ATAD2: variants seen among roughly 807,000 people sequenced by gnomAD.
ATAD2 encodes ATPase family AAA domain-containing protein 2.
ATAD2 carries 62 observed loss-of-function variants against 168.9 expected under a neutral mutation model. That is an observed-to-expected ratio of 0.37 (90% confidence interval 0.30 to 0.45). ATAD2 has a LOEUF of 0.45. ATAD2 is among the 20% of genes least tolerant of loss of function. The probability of loss-of-function intolerance (pLI) is 1.00; values close to 1 mark genes in which losing one functional copy is unlikely to be tolerated. For missense variants in ATAD2, 1,419 were observed against 1,667.8 expected (o/e 0.85, Z 2.60); for synonymous variants, 613 against 571.6 (o/e 1.07, Z -1.03).
At chr8:123,373,497 GA>G (rs1209852122) in intron 2 of ATAD2, among the ~76,000 whole-genome samples, 1 of 151,814 alleles carries the variant, frequency 6.6e-6, no homozygotes, top group South Asian at 2.1e-4. Context: ...AAAATATACT[GA>G]AAAAAATAGG....
intron 2 of ATAD2, among the ~76,000 whole-genome samples, chr8:123,378,884 C>G (rs1829406437): frequency 6.6e-6 from 1 of 151,618 alleles, no homozygotes; most frequent in Non-Finnish European, 1.5e-5. Context: ...CTTGACCTCC[C>G]CAGCTCAAGT....
In ATAD2 at chr8:123,370,963, T is replaced by C; in HGVS notation, c.667A>G (p.Lys223Glu). ...ESNLNMYTRG[K>E]QKDIQRTDEE... is the part of the protein sequence containing the mutation. ...TCAGTTCTTTGAATATCTTTCTGTT[T>C]TCCTCTTGTGTACATATTAAGATTG... Residue 223 changes from lysine to glutamate, a missense_variant, in exon 6 of 28, where the codon AAA (lysine) becomes GAA (glutamate). Coordinates refer to ENST00000287394, the MANE Select transcript of ATAD2 (RefSeq NM_014109.4). The C allele has an allele frequency of 6.2e-7, 1 of 1,605,796 alleles. No individual in the cohort carries two copies. The highest frequency in any genetic ancestry group is 8.5e-7 in the Non-Finnish European group (1 of 1,174,914).
upstream of ATAD2, among the ~76,000 whole-genome samples, chr8:123,399,462 A>C (rs1463017600): frequency 6.6e-6 from 1 of 152,192 alleles, no homozygotes; most frequent in Non-Finnish European, 1.5e-5. Context: ...GTAAATAAAC[A>C]AGGTAACTTC....
Position 123,371,932 on chromosome 8 carries a change from T to G in ATAD2, c.371-97A>C, listed in dbSNP as rs1412085371. On this transcript the variant is annotated intron_variant, in intron 3 of 27. Coordinates refer to ENST00000287394, the MANE Select transcript of ATAD2 (RefSeq NM_014109.4). ...GAACAATTGAAAAGCTATACTTTCA[T>G]GTAACAAAATTACAGTATCTTAAAC... 4 of 1,199,354 alleles carry G rather than the reference T, an allele frequency of 3.3e-6. No individual in the cohort carries two copies. The East Asian group carries it at 1.1e-4, about 32-fold the overall frequency. The allele number at this position is 1,199,354 out of a possible 1,614,324, so 74.3% of individuals were successfully genotyped here. A position where few individuals can be genotyped will look rare whatever the true frequency, so the allele number is the denominator to read the frequency against.
At chr8:123,348,608 C>T (rs540518394) in intron 14 of ATAD2, among the ~76,000 whole-genome samples, 2 of 152,176 alleles carry the variant, frequency 1.3e-5, no homozygotes, top group South Asian at 2.1e-4. Flanking sequence ...ATCCCGGGGA[C>T]GGAAGTTGCA....
chr8:123,321,682 C>T (rs1016394668), intron 27 of ATAD2, among the ~76,000 whole-genome samples: 3 of 152,034 alleles, frequency 2.0e-5, no homozygotes, highest in African/African-American at 7.2e-5. Context: ...CCTGTTAATG[C>T]CAGCACTTTG....
intron 14 of ATAD2, 125 bp downstream of exon 14, chr8:123,349,156 GTTGT>G: frequency 2.3e-6 from 2 of 878,496 alleles, no homozygotes; most frequent in South Asian, 4.2e-5. Flanking sequence ...CCCCATTTGA[GTTGT>G]TTACTATCAT....
intron 4 of ATAD2, 48 bp downstream of exon 4, chr8:123,371,622 A>T (rs978987906): frequency 1.3e-6 from 2 of 1,514,382 alleles, no homozygotes; most frequent in Non-Finnish European, 1.8e-6. Flanking sequence ...TCCCCAACAA[A>T]AAGTCTCTGA....
intron 14 of ATAD2, among the ~76,000 whole-genome samples, 170 bp from the exon 15 acceptor site, chr8:123,348,443 G>A (rs558449139): frequency 1.3e-5 from 2 of 152,210 alleles, no homozygotes; most frequent in South Asian, 2.1e-4. Flanking sequence ...TTGGGAGGCC[G>A]AGGCAGGTGG....
At chr8:123,373,571 G>A (rs191576903) in intron 2 of ATAD2, among the ~76,000 whole-genome samples, 1 of 151,928 alleles carries the variant, frequency 6.6e-6, no homozygotes, top group Non-Finnish European at 1.5e-5. Flanking sequence ...GGTGGATCAT[G>A]AGGTCAGGAA....
intron 26 of ATAD2, among the ~76,000 whole-genome samples, chr8:123,324,632 G>T (rs1827557053): frequency 6.6e-6 from 1 of 152,106 alleles, no homozygotes; most frequent in African/African-American, 2.4e-5. Flanking sequence ...AAAACCCTGA[G>T]GAGCTTACAA....
chr8:123,356,456 T>C lies in ATAD2; in HGVS notation c.1579A>G (p.Ile527Val), dbSNP rs567417599. The change falls in exon 13 of 28, where the codon ATT becomes GTT. Residue 527 changes from isoleucine to valine, a missense_variant. This residue lies in a region of ATAD2 where 545 missense variants were observed against 724.9 expected (regional missense o/e 0.75). Transcript: ENST00000287394. ...CCATCAATTTCGTCAAAAAAAATAA[T>C]TGATGGGCGCATCTGATAGGCCTAG... ...FDQAYQMRPS[I>V]IFFDEIDGLA... 4.3e-6 allele frequency: 7 copies of C among 1,612,672 alleles called. No homozygotes were observed. Among genetic ancestry groups the C allele is most frequent in the Admixed American group, 1.7e-5 (1 of 59,954 alleles).
chr8:123,405,523 C>T (rs527958758), intron 1 of ATAD2, among the ~76,000 whole-genome samples: 42 of 152,180 alleles, frequency 2.8e-4, no homozygotes, highest in African/African-American at 9.2e-4. Context: ...CTCGGCCTTC[C>T]GAAGTGCTGG....
intron 9 of ATAD2, among the ~76,000 whole-genome samples, chr8:123,361,095 T>C (rs1828804623): frequency 6.6e-6 from 1 of 151,910 alleles, no homozygotes; most frequent in African/African-American, 2.4e-5. Context: ...GGCGGGTGGA[T>C]AACTTGAGGC....
intron 1 of ATAD2, among the ~76,000 whole-genome samples, chr8:123,394,407 A>G (rs1002157159): frequency 6.6e-6 from 1 of 152,172 alleles, no homozygotes; most frequent in Non-Finnish European, 1.5e-5. Flanking sequence ...AGGCAAGTGG[A>G]TCACCTGAGG....
Position 123,347,267 on chromosome 8 carries a change from G to A in ATAD2, c.2037C>T (p.Phe679=), listed in dbSNP as rs139532496. 1.7e-4 allele frequency: 278 copies of A among 1,614,050 alleles called. 3 individuals are homozygous for A. In the African/African-American group the frequency reaches 2.9e-3, roughly 17 times the overall value. ...LSSINISAKD[F]EVAMQKMIPA... is the part of the protein sequence containing the mutation. ...GTATCATCTTTTGCATAGCTACCTCGAAATCCTTAGCTGAGATATTAATTG... is the reference window on the plus strand; with the variant it reads ...GTATCATCTTTTGCATAGCTACCTCAAAATCCTTAGCTGAGATATTAATTG... The change falls in exon 16 of 28, where the codon TTC becomes TTT. Residue 679 remains phenylalanine (F), a synonymous_variant. Coordinates refer to ENST00000287394, the MANE Select transcript of ATAD2 (RefSeq NM_014109.4).
intron 1 of ATAD2, among the ~76,000 whole-genome samples, chr8:123,395,300 C>G (rs1333958932): frequency 1.3e-5 from 2 of 152,180 alleles, no homozygotes; most frequent in Non-Finnish European, 2.9e-5. Flanking sequence ...AGGCCTCTTT[C>G]AGCAGCTGGG....
chr8:123,395,352 C>T (rs1812773545), intron 1 of ATAD2, among the ~76,000 whole-genome samples: 1 of 152,152 alleles, frequency 6.6e-6, no homozygotes, highest in Admixed American at 6.6e-5. Context: ...TCAGCTTTAA[C>T]TCTGCCCTGC....
rs1459870905 is a variant in ATAD2 at position 123,320,221 on chromosome 8, T to C, written c.*913A>G. ...TTCCAACAGAAGCTATTTCACAAACTGATTATTAGAATGTCTTCTCCCCAC... is the reference window on the plus strand; with the variant it reads ...TTCCAACAGAAGCTATTTCACAAACCGATTATTAGAATGTCTTCTCCCCAC... On this transcript the variant is annotated 3_prime_UTR_variant, in exon 28 of 28. Coordinates refer to ENST00000287394, the MANE Select transcript of ATAD2 (RefSeq NM_014109.4). 1 of 152,052 alleles carries C rather than the reference T, an allele frequency of 6.6e-6. No individual in the cohort carries two copies. Among genetic ancestry groups the C allele is most frequent in the Non-Finnish European group, 1.5e-5 (1 of 67,992 alleles). 9.4% of individuals were successfully genotyped at this position (152,052 alleles called of 1,614,324 possible). A position where few individuals can be genotyped will look rare whatever the true frequency, so the allele number is the denominator to read the frequency against.
Sources: allele counts gnomAD v4.1 joint callset (sites outside exome capture counted in the v4.1 genomes callset), GRCh38; gene constraint gnomAD v4.1.1; regional missense constraint gnomAD v4.1.1; transcripts MANE v1.5; gene names NCBI Gene and HGNC (gene_info 2026-07-23, HGNC 2026-07-21).